Variants in ZNF804B observed in about 807,000 individuals in gnomAD.
The protein encoded by ZNF804B is zinc finger protein 804B.
In ZNF804B, 80 loss-of-function variants were observed where a neutral mutation model predicts 101.4. The ratio of observed to expected loss-of-function variants is 0.79; its 90% confidence interval spans 0.66 to 0.95. ZNF804B has a LOEUF of 0.95. Ranked by LOEUF, ZNF804B falls within the 40% of genes least tolerant of loss-of-function variation. The pLI is 0.00. For synonymous variants in ZNF804B, 622 were observed against 558.8 expected (o/e 1.11, Z -1.59); for missense variants, 1,673 against 1,561.9 (o/e 1.07, Z -1.20).
intron 1 of ZNF804B, among the ~76,000 whole-genome samples, chr7:88,814,037 G>A (rs181186310): frequency 1.3e-5 from 2 of 152,126 alleles, no homozygotes; most frequent in African/African-American, 4.8e-5. Flanking sequence ...TGAAAATTCT[G>A]ATTTGAGAGA....
At chr7:89,110,912 C>T (rs1328918850) in intron 1 of ZNF804B, among the ~76,000 whole-genome samples, 1 of 152,084 alleles carries the variant, frequency 6.6e-6, no homozygotes, top group Non-Finnish European at 1.5e-5. Context: ...AAATCTCAGG[C>T]AACCACTGAT....
chr7:89,048,799 C>T (rs1011561371), intron 1 of ZNF804B, among the ~76,000 whole-genome samples: 2 of 151,778 alleles, frequency 1.3e-5, no homozygotes, highest in Non-Finnish European at 1.5e-5. Context: ...TAATTATTTC[C>T]TTACTTGGAT....
intron 2 of ZNF804B, among the ~76,000 whole-genome samples, chr7:89,323,994 AG>A (rs1017632884): frequency 4.6e-5 from 7 of 152,186 alleles, no homozygotes; most frequent in African/African-American, 1.7e-4. Flanking sequence ...CCAAAACATG[AG>A]GCTGGCAAAA....
At chr7:88,794,243 T>C in intron 1 of ZNF804B, 1 of 1,613,670 alleles carries the variant, frequency 6.2e-7, no homozygotes, top group Non-Finnish European at 8.5e-7. Context: ...ATGGGTCTAT[T>C]ATACATGTTT....
intron 1 of ZNF804B, among the ~76,000 whole-genome samples, chr7:88,928,674 G>A (rs192868589): frequency 2.0e-5 from 3 of 152,168 alleles, no homozygotes; most frequent in African/African-American, 7.2e-5. Context: ...TCTTCCCTCT[G>A]CCCTTCAAAT....
At chr7:88,856,085 C>T (rs189780095) in intron 1 of ZNF804B, among the ~76,000 whole-genome samples, 218 of 152,214 alleles carry the variant, frequency 1.4e-3, no homozygotes, top group Admixed American at 2.9e-3. Flanking sequence ...CTTGGCGATG[C>T]GGGCTCTTTT....
intron 1 of ZNF804B, among the ~76,000 whole-genome samples, chr7:88,768,794 T>C (rs1790021681): frequency 6.6e-6 from 1 of 152,216 alleles, no homozygotes; most frequent in Admixed American, 6.5e-5. Flanking sequence ...CCTAAATGTA[T>C]TTCTCTCTTT....
intron 2 of ZNF804B, among the ~76,000 whole-genome samples, chr7:89,280,732 A>C (rs1372503999): frequency 6.6e-6 from 1 of 152,228 alleles, no homozygotes; most frequent in African/African-American, 2.4e-5. Flanking sequence ...GAATAGACCA[A>C]TAACAGTAGC....
At chr7:89,082,355 G>A (rs1789709233) in intron 1 of ZNF804B, among the ~76,000 whole-genome samples, 1 of 151,344 alleles carries the variant, frequency 6.6e-6, no homozygotes, top group Non-Finnish European at 1.5e-5. Context: ...TTGGTTATAA[G>A]CATTTCTTAT....
intron 1 of ZNF804B, among the ~76,000 whole-genome samples, chr7:89,174,763 G>A (rs1050237822): frequency 6.6e-6 from 1 of 151,704 alleles, no homozygotes; most frequent in South Asian, 2.1e-4. Context: ...ATTTGTTATT[G>A]CCTGTCTTTT....
intron 2 of ZNF804B, among the ~76,000 whole-genome samples, chr7:89,243,179 T>G (rs1017059666): frequency 1.3e-5 from 2 of 151,732 alleles, no homozygotes; most frequent in Non-Finnish European, 3.0e-5. Flanking sequence ...CTCTTGATAC[T>G]GCAAAAAAAT....
chr7:89,122,725 C>A (rs1035381397), intron 1 of ZNF804B, among the ~76,000 whole-genome samples: 2 of 152,128 alleles, frequency 1.3e-5, no homozygotes. Flanking sequence ...AGAGGACACA[C>A]CCCATCAATC....
intron 2 of ZNF804B, among the ~76,000 whole-genome samples, chr7:89,221,645 A>T (rs561161113): frequency 2.6e-4 from 39 of 151,808 alleles, no homozygotes; most frequent in Admixed American, 4.6e-4. Context: ...CTTCAATCTT[A>T]TTTCTATTAG....
chr7:89,226,599 T>G (rs1789092166), intron 2 of ZNF804B, among the ~76,000 whole-genome samples: 1 of 152,094 alleles, frequency 6.6e-6, no homozygotes, highest in Admixed American at 6.5e-5. Context: ...AATCACAAAC[T>G]ATGATGTAAC....
chr7:88,936,070 TTCTC>T (rs1298020620), intron 1 of ZNF804B, among the ~76,000 whole-genome samples: 1 of 148,506 alleles, frequency 6.7e-6, no homozygotes, highest in Non-Finnish European at 1.5e-5. Flanking sequence ...TCCTTTCCCC[TTCTC>T]TCTCCTTCCT....
At chr7:89,298,212 GTGTGTATA>G (rs1355022428) in intron 2 of ZNF804B, among the ~76,000 whole-genome samples, 16 of 65,272 alleles carry the variant, frequency 2.5e-4, no homozygotes, top group Admixed American at 1.2e-3. Context: ...GTGTGTGTGT[GTGTGTATA>G]TATATATATA....
At chr7:89,180,109 C>T (rs577384172) in intron 1 of ZNF804B, among the ~76,000 whole-genome samples, 1 of 152,122 alleles carries the variant, frequency 6.6e-6, no homozygotes, top group South Asian at 2.1e-4. Context: ...TTGACGTCAG[C>T]ACAGTACTGA....
At chr7:89,084,283 T>G (rs919848288) in intron 1 of ZNF804B, among the ~76,000 whole-genome samples, 1 of 151,924 alleles carries the variant, frequency 6.6e-6, no homozygotes, top group African/African-American at 2.4e-5. Flanking sequence ...CCTTAGAATC[T>G]TAGAATCAGC....
chr7:89,016,655 T>A (rs1298172628), intron 1 of ZNF804B, among the ~76,000 whole-genome samples: 2 of 151,758 alleles, frequency 1.3e-5, no homozygotes, highest in Non-Finnish European at 1.5e-5. Flanking sequence ...TGTAGATATG[T>A]GGCATTATTT....
Sources: allele counts gnomAD v4.1 joint callset (sites outside exome capture counted in the v4.1 genomes callset), GRCh38; gene constraint gnomAD v4.1.1; transcripts MANE v1.5; gene names NCBI Gene and HGNC (gene_info 2026-07-23, HGNC 2026-07-21).